BEAN1: variants seen among roughly 807,000 people sequenced by gnomAD.
BEAN1 encodes protein BEAN1.
Under a neutral mutation model 17.7 loss-of-function variants are expected in BEAN1, and 17 were observed. That is an observed-to-expected ratio of 0.96 (90% CI 0.66 to 1.44). The LOEUF (loss-of-function observed/expected upper bound fraction) is 1.44, where lower values mean the gene tolerates loss of function less well. BEAN1 is among the 40% of genes most tolerant of loss of function. The pLI is 0.00. For synonymous variants in BEAN1, 142 were observed against 151.8 expected, an observed-to-expected ratio of 0.94 and a Z score of 0.47; for missense variants, 359 against 374.1, an observed-to-expected ratio of 0.96 and a Z score of 0.33.
intron 2 of BEAN1, among the ~76,000 whole-genome samples, chr16:66,463,571 C>T (rs184087633): frequency 2.6e-5 from 4 of 152,328 alleles, no homozygotes; most frequent in Non-Finnish European, 5.9e-5. Context: ...ACACAAATAT[C>T]TTCTCCGATT....
intron 2 of BEAN1, among the ~76,000 whole-genome samples, chr16:66,467,517 C>T (rs2142427137): frequency 6.6e-6 from 1 of 152,276 alleles, no homozygotes; most frequent in Non-Finnish European, 1.5e-5. Context: ...AAACTGCCCC[C>T]AAGATTCAAT....
intron 2 of BEAN1, among the ~76,000 whole-genome samples, chr16:66,467,254 C>A (rs953328985): frequency 1.3e-5 from 2 of 152,150 alleles, no homozygotes; most frequent in Admixed American, 1.3e-4. Context: ...GGCAGATTAG[C>A]ATCTGTATTA....
At chr16:66,461,262 C>T (rs1469754112) in intron 2 of BEAN1, among the ~76,000 whole-genome samples, 2 of 152,012 alleles carry the variant, frequency 1.3e-5, no homozygotes, top group African/African-American at 2.4e-5. Context: ...TAAAATAGGC[C>T]CTTGTTTTGG....
chr16:66,480,043 G>C (rs1050486693), intron 4 of BEAN1, among the ~76,000 whole-genome samples: 10 of 152,156 alleles, frequency 6.6e-5, no homozygotes, highest in African/African-American at 2.2e-4. Context: ...TGAATGGCCC[G>C]TGTCCTCCTC....
At chr16:66,474,919 T>C (rs1963673646) in intron 3 of BEAN1, among the ~76,000 whole-genome samples, 1 of 152,086 alleles carries the variant, frequency 6.6e-6, no homozygotes, top group Non-Finnish European at 1.5e-5. Context: ...GTGGAAGGGG[T>C]AACCACTGCT....
intron 2 of BEAN1, chr16:66,450,875 G>A (rs1962647916): frequency 6.6e-6 from 1 of 152,294 alleles, no homozygotes; most frequent in African/African-American, 2.4e-5. Context: ...AGACAGTCTA[G>A]GTAAATATCA....
At chr16:66,446,247 C>T (rs1019361397) in intron 2 of BEAN1, among the ~76,000 whole-genome samples, 4 of 151,698 alleles carry the variant, frequency 2.6e-5, no homozygotes, top group African/African-American at 9.7e-5. Flanking sequence ...TACCTTGGAC[C>T]AGGAGGTTCA....
chr16:66,480,745 G>A lies in BEAN1; in HGVS notation c.600G>A (p.Pro200=), dbSNP rs571294840. Residue 200 remains proline (P), a synonymous_variant, in exon 5 of 5, where the codon CCG becomes CCA. Transcript: ENST00000536005. ...PGRHQQEQRT[P]AQGGLHTVSM... ...GACACCAGCAGGAGCAGAGGACCCC[G>A]GCCCAAGGTGGCCTTCACACGGTCT... The A allele has an allele frequency of 1.2e-5, 19 of 1,551,520 alleles. No individual in the cohort carries two copies. Among genetic ancestry groups the A allele is most frequent in the African/African-American group, 5.5e-5 (4 of 73,176 alleles).
chr16:66,428,071 G>T, intron 1 of BEAN1: 1 of 152,472 alleles, frequency 6.6e-6, no homozygotes, highest in East Asian at 1.9e-4. Flanking sequence ...ACTTTCCCTT[G>T]CGCTGTCAGA....
At chr16:66,436,476 C>T (rs1459100263) in intron 1 of BEAN1, among the ~76,000 whole-genome samples, 1 of 149,636 alleles carries the variant, frequency 6.7e-6, no homozygotes, top group Non-Finnish European at 1.5e-5. Flanking sequence ...GACGGGGTTT[C>T]ACCGTGTTAG....
chr16:66,446,867 C>G (rs1596995528), intron 2 of BEAN1, among the ~76,000 whole-genome samples: 1 of 152,162 alleles, frequency 6.6e-6, no homozygotes, highest in East Asian at 1.9e-4. Flanking sequence ...ATTAGCTACC[C>G]TGATTCTCAG....
chr16:66,458,035 G>C (rs749037733), intron 2 of BEAN1, among the ~76,000 whole-genome samples: 1 of 152,182 alleles, frequency 6.6e-6, no homozygotes, highest in African/African-American at 2.4e-5. Context: ...CCGGGAAGTG[G>C]ACCTGTGACA....
chr16:66,478,179 G>C (rs1226706313), intron 4 of BEAN1: 1 of 153,538 alleles, frequency 6.5e-6, no homozygotes, highest in Non-Finnish European at 1.4e-5. Flanking sequence ...GGGTAAAGAG[G>C]GGACAAGCCC....
intron 2 of BEAN1, among the ~76,000 whole-genome samples, chr16:66,452,746 G>T (rs1158257229): frequency 6.6e-6 from 1 of 152,170 alleles, no homozygotes; most frequent in African/African-American, 2.4e-5. Flanking sequence ...TTGCTTCATA[G>T]CTGGGTTTCC....
intron 2 of BEAN1, among the ~76,000 whole-genome samples, chr16:66,468,946 A>C (rs191462097): frequency 6.6e-6 from 1 of 152,034 alleles, no homozygotes; most frequent in East Asian, 1.9e-4. Flanking sequence ...CCACCACACC[A>C]CATCCTCCCT....
chr16:66,485,382 A>G, downstream of BEAN1: 1 of 341,680 alleles, frequency 2.9e-6, no homozygotes, highest in Non-Finnish European at 5.8e-6. Context: ...TGACACTCCC[A>G]CTCAGCTGTT....
At chr16:66,470,812 T>C (rs1567502832) in intron 3 of BEAN1, among the ~76,000 whole-genome samples, 1 of 152,066 alleles carries the variant, frequency 6.6e-6, no homozygotes, top group African/African-American at 2.4e-5. Flanking sequence ...CAGGAAAAAA[T>C]TCAATTGCAT....
At chr16:66,447,675 T>C (rs1033640453) in intron 2 of BEAN1, among the ~76,000 whole-genome samples, 15 of 152,212 alleles carry the variant, frequency 9.9e-5, no homozygotes, top group African/African-American at 3.4e-4. Flanking sequence ...GCCTTGTGCC[T>C]GACCCCATCA....
At chr16:66,462,647 C>A (rs1409851803) in intron 2 of BEAN1, among the ~76,000 whole-genome samples, 1 of 152,204 alleles carries the variant, frequency 6.6e-6, no homozygotes, top group East Asian at 1.9e-4. Flanking sequence ...GCTAAAAATA[C>A]AAAATTAGCT....
Sources: allele counts gnomAD v4.1 joint callset (sites outside exome capture counted in the v4.1 genomes callset), GRCh38; gene constraint gnomAD v4.1.1; transcripts MANE v1.5; gene names NCBI Gene and HGNC (gene_info 2026-07-23, HGNC 2026-07-21).